The following KCNJ5 variants were observed in gnomAD, a reference collection of about 807,000 sequenced individuals.
The protein encoded by KCNJ5 is potassium inwardly rectifying channel subfamily J member 5.
In KCNJ5, 12 loss-of-function variants were observed where a neutral mutation model predicts 20.2. That is an observed-to-expected ratio of 0.59 (90% CI 0.38 to 0.96). The LOEUF (loss-of-function observed/expected upper bound fraction) is 0.96. Among genes scored for constraint, KCNJ5 ranks in the 40% least tolerant of loss-of-function variants. The pLI, the probability that KCNJ5 is intolerant of heterozygous loss-of-function variation, is 0.00. For missense variants in KCNJ5, 449 were observed against 557.6 expected (o/e 0.81, Z 1.96); for synonymous variants, 210 against 213.9 (o/e 0.98, Z 0.16).
chr11:128,911,820 G>A lies in KCNJ5; in HGVS notation c.547G>A (p.Val183Met). ...ILGSIVNAFMVGCMFVKISQP... is the reference protein window; with the variant it reads ...ILGSIVNAFMMGCMFVKISQP... ...GGGCTCCATCGTCAATGCCTTCATGGTGGGGTGCATGTTTGTCAAGATCAG... is the reference window on the plus strand; with the variant it reads ...GGGCTCCATCGTCAATGCCTTCATGATGGGGTGCATGTTTGTCAAGATCAG... Residue 183 changes from valine (V) to methionine (M), a missense_variant, in exon 2 of 3, where the codon GTG becomes ATG. This residue lies in a region of KCNJ5 where 203 missense variants were observed against 258.0 expected (regional missense o/e 0.79). Transcript: ENST00000529694. The surrounding 1 kb of genome is among the most constrained non-coding windows in gnomAD (Gnocchi z 6.3). 1 of 1,614,188 alleles carries A rather than the reference G, an allele frequency of 6.2e-7. No individual in the cohort carries two copies. Among genetic ancestry groups the A allele is most frequent in the Non-Finnish European group, 8.5e-7 (1 of 1,180,028 alleles).
chr11:128,904,258 C>T (rs930887858), intron 1 of KCNJ5, among the ~76,000 whole-genome samples: 35 of 152,210 alleles, frequency 2.3e-4, no homozygotes, highest in Non-Finnish European at 1.5e-5. Flanking sequence ...ACGCCTTCCT[C>T]ACCAGGGCCT....
chr11:128,905,209 G>T (rs553168934), intron 1 of KCNJ5, among the ~76,000 whole-genome samples: 1 of 152,258 alleles, frequency 6.6e-6, no homozygotes, highest in African/African-American at 2.4e-5. Context: ...CCCCACGCCC[G>T]TTCCCTGGGG....
At chr11:128,915,347 T>C (rs1269766591) in intron 2 of KCNJ5, among the ~76,000 whole-genome samples, 1 of 152,174 alleles carries the variant, frequency 6.6e-6, no homozygotes, top group Non-Finnish European at 1.5e-5. Flanking sequence ...CCAAGCTCTG[T>C]GTGTGCGTCT....
In KCNJ5 at chr11:128,918,668, CAG is replaced by C. The variant is rs1944625120; in HGVS notation, c.*1940_*1941del. On this transcript the variant is annotated 3_prime_UTR_variant, in exon 3 of 3. Transcript: ENST00000529694. Reference sequence around the variant, plus strand: ...TTGAGGCAGAGCAAAGGGAAGGCTTCAGAGCTTAGGCCCGGTTCATCTCAGAA... The same window carrying C: ...TTGAGGCAGAGCAAAGGGAAGGCTTCAGCTTAGGCCCGGTTCATCTCAGAA... The C allele has an allele frequency of 6.6e-6, 1 of 152,418 alleles. No homozygotes were observed. Among genetic ancestry groups the C allele is most frequent in the Non-Finnish European group, 1.5e-5 (1 of 68,198 alleles). 9.4% of individuals were successfully genotyped at this position (152,418 alleles called of 1,614,324 possible).
Position 128,912,166 on chromosome 11 carries a change from A to G in KCNJ5, c.893A>G (p.Glu298Gly). ...EMSQAQLHQE[E>G]FEVVVILEGM... The stretch of plus-strand genomic sequence containing the variant: ...TCTCAGGCTCAGCTGCATCAGGAAG[A>G]GTTTGAAGTTGTGGTCATTCTAGAA... Residue 298 changes from glutamate to glycine, a missense_variant, in exon 2 of 3, where the codon GAG (glutamate) becomes GGG (glycine). By Grantham distance (98) the Glu-to-Gly change is moderately conservative. Coordinates refer to ENST00000529694, the MANE Select transcript of KCNJ5 (RefSeq NM_000890.5). The G allele has an allele frequency of 1.2e-6, 2 of 1,608,760 alleles. No individual in the cohort carries two copies. The highest frequency in any genetic ancestry group is 2.2e-5 in the South Asian group (2 of 91,072).
At chr11:128,915,791 T>TTGGATGGATGGA (rs199516705) in intron 2 of KCNJ5, among the ~76,000 whole-genome samples, 50 of 148,052 alleles carry the variant, frequency 3.4e-4, no homozygotes, top group Non-Finnish European at 5.8e-4. Context: ...GTATGGATAA[T>TTGGATGGATGGA]TGGATGGATG....
intron 1 of KCNJ5, among the ~76,000 whole-genome samples, chr11:128,910,414 C>T (rs1944478811): frequency 6.6e-6 from 1 of 152,190 alleles, no homozygotes; most frequent in African/African-American, 2.4e-5. Context: ...TTTTAATAAG[C>T]ACTCAGATGG....
chr11:128,916,102 TTGGATGGATGGATGGA>T (rs56658633), intron 2 of KCNJ5, among the ~76,000 whole-genome samples: 8,974 of 117,932 alleles, frequency 0.076, 1,067 homozygotes, highest in African/African-American at 0.27. Context: ...GGATAGATAA[TTGGATGGATGGATGGA>T]TGGATGGATG....
chr11:128,901,758 G>C (rs1944284868), intron 1 of KCNJ5: 2 of 152,318 alleles, frequency 1.3e-5, no homozygotes, highest in African/African-American at 4.8e-5. Context: ...GTCAGTGACA[G>C]CTCCCCAGGG....
intron 1 of KCNJ5, among the ~76,000 whole-genome samples, chr11:128,896,221 A>G (rs1944175276): frequency 6.6e-6 from 1 of 151,890 alleles, no homozygotes; most frequent in Admixed American, 6.6e-5. Context: ...TTATTTTTCC[A>G]CTAAATGCTT....
rs183072628 is a variant in KCNJ5, at chr11:128,896,068, T to C, written c.-11+4347T>C. 2.3e-4 allele frequency among the ~76,000 whole-genome samples: 35 copies of C among 152,300 alleles called. No individual in the cohort carries two copies. In the East Asian group the frequency reaches 5.4e-3, roughly 24 times the overall value. On this transcript the variant is annotated intron_variant, in intron 1 of 2. Coordinates refer to ENST00000529694, the MANE Select transcript of KCNJ5 (RefSeq NM_000890.5). ...TGGTCACATTTTATTTCCTTTCTCT[T>C]CCTCTCCCTCTCTCTCTTTCTCAGT...
At chr11:128,903,248 T>A (rs919270335) in intron 1 of KCNJ5, 4 of 1,179,884 alleles carry the variant, frequency 3.4e-6, no homozygotes, top group Non-Finnish European at 4.7e-6. Flanking sequence ...AATATGAAAA[T>A]GAAGCTCTAA....
chr11:128,902,807 C>A, intron 1 of KCNJ5: 1 of 1,395,076 alleles, frequency 7.2e-7, no homozygotes, highest in Non-Finnish European at 9.7e-7. Flanking sequence ...CGCAGCCCAA[C>A]ATGTCCATGG....
At chr11:128,908,843 G>A (rs968958007) in intron 1 of KCNJ5, among the ~76,000 whole-genome samples, 2 of 152,176 alleles carry the variant, frequency 1.3e-5, no homozygotes, top group Admixed American at 1.3e-4. Flanking sequence ...CAGCTGGGGT[G>A]TCCAGAATAC....
At chr11:128,904,218 A>G (rs986973925) in intron 1 of KCNJ5, among the ~76,000 whole-genome samples, 1 of 152,144 alleles carries the variant, frequency 6.6e-6, no homozygotes, top group African/African-American at 2.4e-5. Flanking sequence ...TCAGGCCCAC[A>G]AGGCTCTGCC....
intron 1 of KCNJ5, among the ~76,000 whole-genome samples, chr11:128,899,242 T>C (rs1025797607): frequency 4.6e-5 from 7 of 152,256 alleles, no homozygotes; most frequent in African/African-American, 1.7e-4. Flanking sequence ...GAACAGTATC[T>C]ACCTGGTACC....
intron 1 of KCNJ5, chr11:128,904,487 T>A: frequency 1.3e-6 from 2 of 1,596,950 alleles, no homozygotes; most frequent in Non-Finnish European, 1.7e-6. Flanking sequence ...GTTGTCCAGC[T>A]CCCAGCTGAT....
At chr11:128,900,307 C>T (rs1944253810) in intron 1 of KCNJ5, 1 of 152,200 alleles carries the variant, frequency 6.6e-6, no homozygotes, top group Non-Finnish European at 1.5e-5. Flanking sequence ...ACCATTTAAT[C>T]CTTCTCTCTC....
At chr11:128,908,749 G>A (rs1003302357) in intron 1 of KCNJ5, among the ~76,000 whole-genome samples, 1 of 152,180 alleles carries the variant, frequency 6.6e-6, no homozygotes, top group Non-Finnish European at 1.5e-5. Context: ...ACTCATTCTT[G>A]TGGCACTGTG....
Sources: gnomAD v4.1 joint callset for allele counts (sites outside exome capture counted in the v4.1 genomes callset) on GRCh38, gnomAD v4.1.1 for gene constraint, gnomAD v4.1.1 regional missense constraint, Gnocchi (gnomAD v3.1) non-coding constraint, MANE v1.5 for transcripts, NCBI Gene and HGNC (gene_info 2026-07-23, HGNC 2026-07-21) for gene names.